Variants in UBR4 observed in about 807,000 individuals in gnomAD.
UBR4 encodes the protein E3 ubiquitin-protein ligase UBR4.
UBR4 carries 124 observed loss-of-function variants against 575.6 expected under a neutral mutation model. That is an observed-to-expected ratio of 0.22 (90% CI 0.19 to 0.25). The LOEUF (loss-of-function observed/expected upper bound fraction) is 0.25, where lower values mean the gene tolerates loss of function less well. UBR4 is among the 10% of genes least tolerant of loss of function. The pLI, the probability that UBR4 is intolerant of heterozygous loss-of-function variation, is 1.00. For missense variants in UBR4, 4,818 were observed against 6,478.8 expected, an observed-to-expected ratio of 0.74 and a Z score of 8.80; for synonymous variants, 2,455 against 2,473.7, an observed-to-expected ratio of 0.99 and a Z score of 0.22.
At chr1:19,187,659 C>CAAAA in intron 11 of UBR4, 119 bp from the exon 12 acceptor site, 3 of 852,770 alleles carry the variant, frequency 3.5e-6, no homozygotes, top group Non-Finnish European at 3.6e-6. Flanking sequence ...TGTGGACCTT[C>CAAAA]AGAAAAAAAA....
chr1:19,148,394 G>A (rs560198541), intron 50 of UBR4, among the ~76,000 whole-genome samples, 169 bp downstream of exon 50: 5 of 152,258 alleles, frequency 3.3e-5, no homozygotes, highest in East Asian at 1.9e-4. Context: ...CTATGGGCCC[G>A]AAAAGTAGGA....
chr1:19,118,590 T>C, intron 71 of UBR4: 1 of 341,580 alleles, frequency 2.9e-6, no homozygotes, highest in South Asian at 5.2e-5. Context: ...CTGGCTAACT[T>C]TTTTAAATTT....
intron 11 of UBR4, among the ~76,000 whole-genome samples, chr1:19,191,442 G>A (rs113028898): frequency 6.6e-6 from 1 of 152,172 alleles, no homozygotes; most frequent in African/African-American, 2.4e-5. Context: ...CTGCACTCCA[G>A]CATGGGCAAC....
intron 75 of UBR4, among the ~76,000 whole-genome samples, chr1:19,114,441 C>A (rs2080252072): frequency 2.0e-5 from 3 of 152,176 alleles, no homozygotes; most frequent in Non-Finnish European, 4.4e-5. Flanking sequence ...CTCCCCCCGC[C>A]CCTGCCCATA....
intron 86 of UBR4, 133 bp downstream of exon 86, chr1:19,104,452 A>G: frequency 8.3e-7 from 1 of 1,202,380 alleles, no homozygotes; most frequent in Non-Finnish European, 1.2e-6. Context: ...AATACAGAAA[A>G]AAAATGCAGA....
In UBR4 at chr1:19,096,654, G is replaced by C; in HGVS notation, c.13391-4C>G. 1.9e-6 allele frequency: 3 copies of C among 1,613,202 alleles called. No individual in the cohort carries two copies. Among genetic ancestry groups the C allele is most frequent in the African/African-American group, 2.7e-5 (2 of 74,896 alleles). ...TCTTCTTCATCTTCTTCTTCATCTA[G>C]GGGAGAAGGGAAGCCAAGCAGAAAT... On this transcript the variant is annotated splice_region_variant and splice_polypyrimidine_tract_variant and intron_variant, in intron 91 of 105. Coordinates refer to ENST00000375254, the MANE Select transcript of UBR4 (RefSeq NM_020765.3).
rs754369667 is a variant in UBR4, at chr1:19,112,520, T to C, written c.11801+4A>G. 6.2e-7 allele frequency: 1 copy of C among 1,604,598 alleles called. No homozygotes were observed. The highest frequency in any genetic ancestry group is 8.5e-7 in the Non-Finnish European group (1 of 1,174,964). On this transcript the variant is annotated splice_donor_region_variant and intron_variant, in intron 78 of 105. Transcript: ENST00000375254. ...AGGCCCATAACCATGGTGTAGGTAC[T>C]GACCGAGTTAGGAGGCACATGAGCT...
rs772327459 is a variant in UBR4, at chr1:19,199,728, C to T, written c.301G>A (p.Ala101Thr). The T allele has an allele frequency of 1.9e-5, 30 of 1,614,032 alleles. No individual in the cohort carries two copies. The highest frequency in any genetic ancestry group is 5.3e-5 in the African/African-American group (4 of 74,918). Residue 101 changes from alanine (A) to threonine (T), a missense_variant, in exon 3 of 106, where the codon GCA (alanine) becomes ACA (threonine). Coordinates refer to ENST00000375254, the MANE Select transcript of UBR4 (RefSeq NM_020765.3). ...TCAATTAGAACTTTACAGGCTGCTG[C>T]CACTGACTGAAGTTGGTTCCGGGGA... is the stretch of plus-strand genomic sequence containing the variant. Reference protein sequence around the residue: ...LIPRNQLQSVAAACKVLIEFS... With the variant: ...LIPRNQLQSVTAACKVLIEFS...
chr1:19,139,277 C>CA lies in UBR4; in HGVS notation c.8594-58dup. 3 of 1,520,056 alleles carry CA rather than the reference C, an allele frequency of 2.0e-6. No individual in the cohort carries two copies. The highest frequency in any genetic ancestry group is 2.7e-6 in the Non-Finnish European group (3 of 1,130,048). The allele number at this position is 1,520,056 out of a possible 1,614,324, so 94.2% of individuals were successfully genotyped here. A position where few individuals can be genotyped will look rare whatever the true frequency, so the allele number is the denominator to read the frequency against. On this transcript the variant is annotated intron_variant, in intron 58 of 105. Coordinates refer to ENST00000375254, the MANE Select transcript of UBR4 (RefSeq NM_020765.3). The surrounding 1 kb of genome is among the most constrained non-coding windows in gnomAD (Gnocchi z 4.2). Reference sequence around the variant, plus strand: ...AAAAACAAACAAACAAACAAACAAACAAAAAACAAAAAAAACCCCTCCTTG... The same window carrying CA: ...AAAAACAAACAAACAAACAAACAAACAAAAAAACAAAAAAAACCCCTCCTTG...
intron 97 of UBR4, among the ~76,000 whole-genome samples, chr1:19,091,132 G>A (rs955656522): frequency 6.6e-6 from 1 of 151,738 alleles, no homozygotes; most frequent in African/African-American, 2.4e-5. Context: ...GAAATCAGCT[G>A]ACTTTGAGTT....
chr1:19,128,004 T>C (rs1180371666), intron 62 of UBR4, among the ~76,000 whole-genome samples: 1 of 152,204 alleles, frequency 6.6e-6, no homozygotes, highest in East Asian at 1.9e-4. Context: ...AAGAACTTCA[T>C]CTTTGCCCTC....
chr1:19,124,329 G>T, intron 65 of UBR4: 2 of 568,450 alleles, frequency 3.5e-6, no homozygotes, highest in Non-Finnish European at 2.9e-6. Context: ...TCAACACACA[G>T]AATCAGAAGG....
chr1:19,110,341 T>C lies in UBR4; in HGVS notation c.11977+39A>G, dbSNP rs748783291. The C allele has an allele frequency of 2.2e-5, 35 of 1,613,776 alleles. No individual in the cohort carries two copies. The highest frequency in any genetic ancestry group is 3.0e-5 in the Non-Finnish European group (35 of 1,179,858). On this transcript the variant is annotated intron_variant, in intron 80 of 105. Coordinates refer to ENST00000375254, the MANE Select transcript of UBR4 (RefSeq NM_020765.3). The surrounding 1 kb of genome is among the most constrained non-coding windows in gnomAD (Gnocchi z 4.5). ...CCCAGTCCGGCCAGGACTGCTCCTTTGAGCCTCCTTTCCTTTCTCTGAAAA... is the reference window on the plus strand; with the variant it reads ...CCCAGTCCGGCCAGGACTGCTCCTTCGAGCCTCCTTTCCTTTCTCTGAAAA...
In UBR4 at chr1:19,177,443, G is replaced by C. The variant is rs1384312040; in HGVS notation, c.2637+18C>G. 3 of 1,604,066 alleles carry C rather than the reference G, an allele frequency of 1.9e-6. No individual in the cohort carries two copies. In the African/African-American group the frequency reaches 4.0e-5, roughly 22 times the overall value. ...TTCTCAGTAATGGTGAAGCAAAAAAGAACGTGTTGGTCTGTACCTGCTCAA... is the reference window on the plus strand; with the variant it reads ...TTCTCAGTAATGGTGAAGCAAAAAACAACGTGTTGGTCTGTACCTGCTCAA... On this transcript the variant is annotated intron_variant, in intron 19 of 105. Coordinates refer to ENST00000375254, the MANE Select transcript of UBR4 (RefSeq NM_020765.3).
chr1:19,175,078 T>G lies in UBR4; in HGVS notation c.2774-45A>C, dbSNP rs1254811541. 3 of 1,516,016 alleles carry G rather than the reference T, an allele frequency of 2.0e-6. No individual in the cohort carries two copies. In the African/African-American group the frequency reaches 4.1e-5, roughly 21 times the overall value. 93.9% of individuals were successfully genotyped at this position (1,516,016 alleles called of 1,614,324 possible). ...TTAAAAGAATGGTTCCATTCTTAAC[T>G]CTATCTGACTAGTATGCAATGTAAA... On this transcript the variant is annotated intron_variant, in intron 20 of 105. Coordinates refer to ENST00000375254, the MANE Select transcript of UBR4 (RefSeq NM_020765.3).
Position 19,150,632 on chromosome 1 carries a change from T to A in UBR4, c.7375A>T (p.Thr2459Ser), listed in dbSNP as rs1191892079. The A allele has an allele frequency of 6.2e-7, 1 of 1,614,008 alleles. No homozygotes were observed. Among genetic ancestry groups the A allele is most frequent in the Non-Finnish European group, 8.5e-7 (1 of 1,180,002 alleles). The change falls in exon 49 of 106, where the codon ACT becomes TCT. Residue 2459 changes from threonine to serine, a missense_variant. By Grantham distance (58) the Thr-to-Ser change is moderately conservative. Coordinates refer to ENST00000375254, the MANE Select transcript of UBR4 (RefSeq NM_020765.3). ...GGGGCAGCTGAGTCGCTATCTCCAGTGCCGTTGCTCTGGTTCAGATTTGAA... is the reference window on the plus strand; with the variant it reads ...GGGGCAGCTGAGTCGCTATCTCCAGAGCCGTTGCTCTGGTTCAGATTTGAA... ...CPSNLNQSNG[T>S]GDSDSAAPTT...
chr1:19,186,606 C>T lies in UBR4; in HGVS notation c.1684G>A (p.Ala562Thr), dbSNP rs776684278. The change falls in exon 14 of 106, where the codon GCC becomes ACC. Residue 562 changes from alanine to threonine, a missense_variant. This residue lies in a region of UBR4 where 162 missense variants were observed against 216.4 expected (regional missense o/e 0.75). Coordinates refer to ENST00000375254, the MANE Select transcript of UBR4 (RefSeq NM_020765.3). ...TAGTAAGTATTGGAGTCGGTGGAGG[C>T]GCTGGCATCGCTGCTCATGGAGCCC... ...RKGSMSSDASASTDSNTYYED... is the reference protein window; with the variant it reads ...RKGSMSSDASTSTDSNTYYED... 14 of 1,613,936 alleles carry T rather than the reference C, an allele frequency of 8.7e-6. No individual in the cohort carries two copies. Among genetic ancestry groups the T allele is most frequent in the East Asian group, 2.2e-5 (1 of 44,886 alleles).
intron 66 of UBR4, among the ~76,000 whole-genome samples, chr1:19,122,340 GAT>G (rs2081270889): frequency 6.6e-6 from 1 of 152,204 alleles, no homozygotes; most frequent in Non-Finnish European, 1.5e-5. Context: ...TACTTTTCTT[GAT>G]ATATAACGAT....
At chr1:19,115,094 A>C in intron 74 of UBR4, 145 bp from the exon 75 acceptor site, 2 of 1,284,694 alleles carry the variant, frequency 1.6e-6, no homozygotes, top group Non-Finnish European at 2.1e-6. Context: ...TGAATGACTT[A>C]AGCAGCCAGG....
Sources: gnomAD v4.1 joint callset for allele counts (sites outside exome capture counted in the v4.1 genomes callset) on GRCh38, gnomAD v4.1.1 for gene constraint, gnomAD v4.1.1 regional missense constraint, Gnocchi (gnomAD v3.1) non-coding constraint, MANE v1.5 for transcripts, NCBI Gene and HGNC (gene_info 2026-07-23, HGNC 2026-07-21) for gene names.